The following MARK1 variants were observed in gnomAD, a reference collection of about 807,000 sequenced individuals.
MARK1 encodes the protein serine/threonine-protein kinase MARK1.
Under a neutral mutation model 96.3 loss-of-function variants are expected in MARK1, and 40 were observed. The ratio of observed to expected loss-of-function variants is 0.42; its 90% CI spans 0.32 to 0.54. The LOEUF (loss-of-function observed/expected upper bound fraction) is 0.54. Ranked by LOEUF, MARK1 falls within the 20% of genes least tolerant of loss-of-function variation. The probability of loss-of-function intolerance (pLI) is 0.16; values close to 1 mark genes in which losing one functional copy is unlikely to be tolerated. For synonymous variants in MARK1, 317 were observed against 341.2 expected (o/e 0.93, Z 0.78); for missense variants, 719 against 984.6 (o/e 0.73, Z 3.61).
chr1:220,605,160 A>G (rs1007850759), intron 6 of MARK1, among the ~76,000 whole-genome samples: 4 of 152,216 alleles, frequency 2.6e-5, no homozygotes, highest in Non-Finnish European at 5.9e-5. Flanking sequence ...GTAACATGGC[A>G]TTCTCCAAAT....
chr1:220,624,594 G>A (rs1468609497), intron 9 of MARK1, among the ~76,000 whole-genome samples: 7 of 139,592 alleles, frequency 5.0e-5, no homozygotes, highest in Non-Finnish European at 7.7e-5. Context: ...GCAAAACTCC[G>A]TCTCAAAAAA....
At chr1:220,571,228 G>A (rs934617344) in intron 1 of MARK1, among the ~76,000 whole-genome samples, 2 of 152,116 alleles carry the variant, frequency 1.3e-5, no homozygotes, top group Non-Finnish European at 2.9e-5. Context: ...GTCCATTCAT[G>A]TACTAGTCAC....
chr1:220,537,240 C>G (rs530048275), intron 1 of MARK1, among the ~76,000 whole-genome samples: 3 of 98,884 alleles, frequency 3.0e-5, no homozygotes, highest in African/African-American at 1.2e-4. Flanking sequence ...CCTCCCCCCT[C>G]CCCCCACCCC....
At chr1:220,552,598 G>A (rs954028187) in intron 1 of MARK1, among the ~76,000 whole-genome samples, 4 of 152,080 alleles carry the variant, frequency 2.6e-5, no homozygotes, top group Admixed American at 6.6e-5. Flanking sequence ...AAATGAGTTC[G>A]TTGCCTAGAA....
intron 3 of MARK1, among the ~76,000 whole-genome samples, chr1:220,590,749 A>G (rs1664930248): frequency 6.6e-6 from 1 of 152,142 alleles, no homozygotes; most frequent in East Asian, 1.9e-4. Flanking sequence ...TACAGCAACC[A>G]TTCTTCGACA....
chr1:220,654,560 T>G lies in MARK1; in HGVS notation c.1988+1208T>G, dbSNP rs1669065103. ...CCATTGGGGCAATTACTATGCAGCA[T>G]GAAACTTGCTAGAGAAAGAACTAAA... On this transcript the variant is annotated intron_variant, in intron 16 of 17. Coordinates refer to ENST00000366917, the MANE Select transcript of MARK1 (RefSeq NM_018650.5). This position sits in a 1 kb window ranked among gnomAD's most constrained non-coding sequence, Gnocchi z 4.0. Among the ~76,000 whole-genome samples, 2 of 152,210 alleles carry G rather than the reference T, an allele frequency of 1.3e-5. No homozygotes were observed. Among genetic ancestry groups the G allele is most frequent in the Admixed American group, 1.3e-4 (2 of 15,278 alleles).
rs1447188141 is a variant in MARK1 at position 220,654,242 on chromosome 1, C to T, written c.1988+890C>T. 6.6e-6 allele frequency among the ~76,000 whole-genome samples: 1 copy of T among 152,102 alleles called. No individual in the cohort carries two copies. The highest frequency in any genetic ancestry group is 1.5e-5 in the Non-Finnish European group (1 of 68,024). ...TCTATCTAGGGAGACAGTGAAGGCA[C>T]CCTATCATATAATCATTTCAGCTGA... On this transcript the variant is annotated intron_variant, in intron 16 of 17. Transcript: ENST00000366917. This position sits in a 1 kb window ranked among gnomAD's most constrained non-coding sequence, Gnocchi z 4.0.
chr1:220,537,986 A>G (rs996699798), intron 1 of MARK1, among the ~76,000 whole-genome samples: 1 of 152,152 alleles, frequency 6.6e-6, no homozygotes, highest in Non-Finnish European at 1.5e-5. Context: ...TCTGGATATT[A>G]GCCTTTTGTC....
intron 1 of MARK1, among the ~76,000 whole-genome samples, chr1:220,557,853 G>T (rs1662391384): frequency 6.6e-6 from 1 of 152,034 alleles, no homozygotes; most frequent in Non-Finnish European, 1.5e-5. Context: ...AAAATGCCTG[G>T]GCACTGTGGC....
At chr1:220,551,849 A>AT (rs1412581463) in intron 1 of MARK1, among the ~76,000 whole-genome samples, 1 of 152,190 alleles carries the variant, frequency 6.6e-6, no homozygotes, top group Non-Finnish European at 1.5e-5. Flanking sequence ...TACTGATTCC[A>AT]TATTTCCTTT....
intron 3 of MARK1, among the ~76,000 whole-genome samples, chr1:220,595,930 G>T (rs1170439193): frequency 6.6e-6 from 1 of 152,178 alleles, no homozygotes; most frequent in Non-Finnish European, 1.5e-5. Context: ...TGTTAAGGAT[G>T]ATCCTAAAGT....
Position 220,662,608 on chromosome 1 carries a change from G to A in MARK1, c.*442G>A, listed in dbSNP as rs1446919267. ...TTGTGTCCAGAATTAAAAGTGCATA[G>A]AAATAGCCTTTACAATTGTAGCATG... On this transcript the variant is annotated 3_prime_UTR_variant, in exon 18 of 18. Transcript: ENST00000366917. 6.3e-6 allele frequency: 1 copy of A among 157,800 alleles called. No homozygotes were observed. Among genetic ancestry groups the A allele is most frequent in the African/African-American group, 2.4e-5 (1 of 41,498 alleles). The allele number at this position is 157,800 out of a possible 1,614,324, so 9.8% of individuals were successfully genotyped here. A position where few individuals can be genotyped will look rare whatever the true frequency, so the allele number is the denominator to read the frequency against.
chr1:220,590,756 G>A (rs772998787), intron 3 of MARK1, among the ~76,000 whole-genome samples: 4 of 151,954 alleles, frequency 2.6e-5, no homozygotes, highest in Non-Finnish European at 4.4e-5. Context: ...ACCATTCTTC[G>A]ACAACTGCCT....
chr1:220,634,035 C>T (rs889194726), intron 11 of MARK1, among the ~76,000 whole-genome samples: 1 of 152,140 alleles, frequency 6.6e-6, no homozygotes, highest in Non-Finnish European at 1.5e-5. Flanking sequence ...TCCCAGTGAA[C>T]CTACCAGGTA....
chr1:220,582,649 G>A (rs1314167320), intron 3 of MARK1, among the ~76,000 whole-genome samples: 2 of 152,106 alleles, frequency 1.3e-5, no homozygotes, highest in Non-Finnish European at 2.9e-5. Context: ...ACAGCAATGC[G>A]ACTCCTACTC....
At chr1:220,599,091 A>G (rs534160218) in intron 4 of MARK1, among the ~76,000 whole-genome samples, 4 of 152,326 alleles carry the variant, frequency 2.6e-5, no homozygotes, top group African/African-American at 9.6e-5. Context: ...TTTACAGGCA[A>G]AATAACTTTG....
At chr1:220,575,466 G>C (rs1663768363) in intron 1 of MARK1, among the ~76,000 whole-genome samples, 1 of 152,096 alleles carries the variant, frequency 6.6e-6, no homozygotes, top group South Asian at 2.1e-4. Context: ...TTTTCTATTT[G>C]AGAATTAAGC....
chr1:220,535,738 C>T (rs1293832174), intron 1 of MARK1, among the ~76,000 whole-genome samples: 3 of 151,996 alleles, frequency 2.0e-5, no homozygotes, highest in Non-Finnish European at 2.9e-5. Context: ...TATATATATC[C>T]ATTTTCCCAG....
At position 220,661,818 on chromosome 1, in the gene MARK1, A is replaced by C. The variant is rs779442657; in HGVS notation, c.2040A>C (p.Thr680=). 2 of 1,605,366 alleles carry C rather than the reference A, an allele frequency of 1.2e-6. No individual in the cohort carries two copies. Among genetic ancestry groups the C allele is most frequent in the Non-Finnish European group, 1.7e-6 (2 of 1,174,688 alleles). ...ASGRTDTSRS[T]SGEPKERDKE... ...CTTTGCCCTCTTGTTCCAGAAGTAC[A>C]TCAGGGGAACCAAAAGAAAGAGACA... Residue 680 remains threonine, a synonymous_variant, in exon 18 of 18, where the codon ACA becomes ACC. Coordinates refer to ENST00000366917, the MANE Select transcript of MARK1 (RefSeq NM_018650.5).
Sources: gnomAD v4.1 joint callset for allele counts (sites outside exome capture counted in the v4.1 genomes callset) on GRCh38, gnomAD v4.1.1 for gene constraint, Gnocchi (gnomAD v3.1) non-coding constraint, MANE v1.5 for transcripts, NCBI Gene and HGNC (gene_info 2026-07-23, HGNC 2026-07-21) for gene names.